Variants in CPN1 observed in about 807,000 individuals in gnomAD.
CPN1 encodes carboxypeptidase N catalytic chain.
CPN1 carries 37 observed loss-of-function variants against 46.4 expected under a neutral mutation model. The observed-to-expected ratio is 0.80, with a 90% CI of 0.61 to 1.05. CPN1 has a LOEUF of 1.05. Among genes scored for constraint, CPN1 ranks in the 50% least tolerant of loss-of-function variants. The pLI, the probability that CPN1 is intolerant of heterozygous loss-of-function variation, is 0.00. For missense variants in CPN1, 563 were observed against 602.6 expected (o/e 0.93, Z 0.69); for synonymous variants, 224 against 235.4 (o/e 0.95, Z 0.44).
intron 5 of CPN1, among the ~76,000 whole-genome samples, chr10:100,057,466 C>A (rs2041391017): frequency 1.3e-5 from 2 of 151,990 alleles, no homozygotes; most frequent in Admixed American, 1.3e-4. Context: ...GTATAAGGGA[C>A]CAGGTTCGTC....
intron 1 of CPN1, among the ~76,000 whole-genome samples, chr10:100,079,092 CGCCTCTCCTGAGT>C (rs2041530455): frequency 6.6e-6 from 1 of 152,228 alleles, no homozygotes; most frequent in South Asian, 2.1e-4. Context: ...TCAGTGGAGA[CGCCTCTCCTGAGT>C]GCCTCTCCTG....
intron 7 of CPN1, among the ~76,000 whole-genome samples, chr10:100,054,133 C>T (rs1471116942): frequency 2.0e-5 from 3 of 152,158 alleles, no homozygotes; most frequent in Non-Finnish European, 4.4e-5. Context: ...GCATCAGAAG[C>T]AAAAGATTTT....
intron 3 of CPN1, 83 bp from the exon 4 acceptor site, chr10:100,065,453 T>C (rs1364858579): frequency 6.9e-7 from 1 of 1,453,964 alleles, no homozygotes; most frequent in Non-Finnish European, 9.5e-7. Context: ...TGTCAGGAAG[T>C]GGCCTGAGGA....
At chr10:100,075,006 C>G (rs2041505971) in intron 2 of CPN1, among the ~76,000 whole-genome samples, 1 of 152,018 alleles carries the variant, frequency 6.6e-6, no homozygotes, top group Admixed American at 6.6e-5. Flanking sequence ...AGTAAAAAGT[C>G]CTGCCAGGCA....
chr10:100,075,273 A>C (rs530429123), intron 2 of CPN1, among the ~76,000 whole-genome samples: 2 of 152,292 alleles, frequency 1.3e-5, no homozygotes, highest in South Asian at 4.1e-4. Context: ...CTGGGCAACA[A>C]AGTAAGACTC....
Position 100,081,756 on chromosome 10 carries a change from G to A in CPN1, c.-131C>T, listed in dbSNP as rs1564778420. On this transcript the variant is annotated 5_prime_UTR_variant, in exon 1 of 9. In the 5' UTR this introduces an upstream ATG that the reference lacks. Coordinates refer to ENST00000370418, the MANE Select transcript of CPN1 (RefSeq NM_001308.3). ...TAAACACCAGTCCAAATTGGAAGACGTTCCCAGCTGTCCGTCCAAGGCTGG... is the reference window on the plus strand; with the variant it reads ...TAAACACCAGTCCAAATTGGAAGACATTCCCAGCTGTCCGTCCAAGGCTGG... 2 of 746,348 alleles carry A rather than the reference G, an allele frequency of 2.7e-6. No homozygotes were observed. The allele number at this position is 746,348 out of a possible 1,614,324, so 46.2% of individuals were successfully genotyped here. A position where few individuals can be genotyped will look rare whatever the true frequency, so the allele number is the denominator to read the frequency against.
chr10:100,076,024 G>A lies in CPN1; in HGVS notation c.307C>T (p.Leu103=). The change falls in exon 2 of 9, where the codon CTG becomes TTG. Residue 103 remains leucine (L), a synonymous_variant. Transcript: ENST00000370418. The stretch of plus-strand genomic sequence containing the variant: ...TTCCTGTTCCGGAACTCCTCGCACA[G>A]AAACTCCGACAGCTGCAGCATCAGC... ...RELMLQLSEF[L]CEEFRNRNQR... 6.2e-7 allele frequency: 1 copy of A among 1,614,194 alleles called. No individual in the cohort carries two copies. Among genetic ancestry groups the A allele is most frequent in the Non-Finnish European group, 8.5e-7 (1 of 1,180,042 alleles).
At chr10:100,065,850 G>A (rs1232294759) in intron 3 of CPN1, among the ~76,000 whole-genome samples, 1 of 151,942 alleles carries the variant, frequency 6.6e-6, no homozygotes, top group Non-Finnish European at 1.5e-5. Context: ...GGGGTGGGGA[G>A]TATATGAGAA....
intron 7 of CPN1, among the ~76,000 whole-genome samples, chr10:100,050,485 C>T (rs2041343848): frequency 6.6e-6 from 1 of 152,164 alleles, no homozygotes; most frequent in Non-Finnish European, 1.5e-5. Flanking sequence ...AAAGGCCACG[C>T]AGATGTACAG....
chr10:100,063,569 GCA>G, intron 5 of CPN1, 43 bp downstream of exon 5: 1 of 1,345,468 alleles, frequency 7.4e-7, no homozygotes, highest in Non-Finnish European at 1.1e-6. Context: ...GGAGAAATGA[GCA>G]CTATTCCACT....
intron 5 of CPN1, among the ~76,000 whole-genome samples, chr10:100,061,515 C>G (rs541492178): frequency 7.7e-4 from 117 of 152,342 alleles, no homozygotes; most frequent in Non-Finnish European, 1.6e-3. Context: ...TGGGGTACCA[C>G]TTATTAGAAA....
rs142996513 is a variant in CPN1, at chr10:100,061,119, T to A, written c.871+2495A>T. Reference sequence around the variant, plus strand: ...TGGGGGTGGGGAGAATGGGGATGGTTAATAGATACAAAAAATAGTTAGAAA... The same window carrying A: ...TGGGGGTGGGGAGAATGGGGATGGTAAATAGATACAAAAAATAGTTAGAAA... On this transcript the variant is annotated intron_variant, in intron 5 of 8. Transcript: ENST00000370418. Among the ~76,000 whole-genome samples the A allele has an allele frequency of 9.2e-4, 140 of 152,182 alleles. 2 individuals carry two copies. The East Asian group carries it at 0.026, about 29-fold the overall frequency.
chr10:100,077,227 CT>C (rs57632037), intron 1 of CPN1, among the ~76,000 whole-genome samples: 3,472 of 113,706 alleles, frequency 0.031, 42 homozygotes, highest in East Asian at 0.066. Context: ...CCGGTTTTAC[CT>C]TTTTTTTTTT....
intron 5 of CPN1, among the ~76,000 whole-genome samples, chr10:100,061,810 C>G (rs1275887321): frequency 6.6e-6 from 1 of 152,068 alleles, no homozygotes; most frequent in Non-Finnish European, 1.5e-5. Context: ...AAGAAAGTAA[C>G]TTTAAAAAAA....
intron 5 of CPN1, among the ~76,000 whole-genome samples, chr10:100,059,386 C>G (rs1324367874): frequency 3.0e-5 from 4 of 131,518 alleles, no homozygotes; most frequent in Non-Finnish European, 1.6e-5. Flanking sequence ...ACAGAGAACT[C>G]CTAAAACATA....
chr10:100,075,304 C>A (rs907351056), intron 2 of CPN1, among the ~76,000 whole-genome samples: 1 of 152,068 alleles, frequency 6.6e-6, no homozygotes, highest in Non-Finnish European at 1.5e-5. Context: ...AAAGAAAGCC[C>A]TTAGACATTT....
chr10:100,065,500 G>A (rs756679747), intron 3 of CPN1, 130 bp from the exon 4 acceptor site: 10 of 968,414 alleles, frequency 1.0e-5, no homozygotes, highest in East Asian at 2.6e-5. Context: ...GCGTCCTGGC[G>A]GATATGAAAA....
intron 3 of CPN1, 62 bp from the exon 4 acceptor site, chr10:100,065,432 T>G: frequency 3.0e-5 from 48 of 1,585,824 alleles, no homozygotes; most frequent in Non-Finnish European, 3.6e-5. Flanking sequence ...AAACGGCGGT[T>G]AGAGTAAGTC....
In CPN1 at chr10:100,062,360, A is replaced by G. The variant is rs117049532; in HGVS notation, c.871+1254T>C. ...TTGAAGGTTACATTATCAATGGCCAATGTCCATGGCAAACCCCTGCTTGTG... is the reference window on the plus strand; with the variant it reads ...TTGAAGGTTACATTATCAATGGCCAGTGTCCATGGCAAACCCCTGCTTGTG... On this transcript the variant is annotated intron_variant, in intron 5 of 8. Coordinates refer to ENST00000370418, the MANE Select transcript of CPN1 (RefSeq NM_001308.3). Among the ~76,000 whole-genome samples, 1,283 of 152,244 alleles carry G rather than the reference A, an allele frequency of 8.4e-3. 10 individuals are homozygous for G. The highest frequency in any genetic ancestry group is 0.013 in the Non-Finnish European group (869 of 68,008).
Sources: gnomAD v4.1 joint callset for allele counts (sites outside exome capture counted in the v4.1 genomes callset) on GRCh38, gnomAD v4.1.1 for gene constraint, MANE v1.5 for transcripts, NCBI Gene and HGNC (gene_info 2026-07-23, HGNC 2026-07-21) for gene names.